QSOX1: variants seen among roughly 807,000 people sequenced by gnomAD.
The protein encoded by QSOX1 is quiescin sulfhydryl oxidase 1.
QSOX1 carries 40 observed loss-of-function variants against 76.1 expected under a neutral mutation model. The observed-to-expected ratio is 0.53, with a 90% CI of 0.41 to 0.68. The LOEUF (loss-of-function observed/expected upper bound fraction) is 0.68, where lower values mean the gene tolerates loss of function less well. Ranked by LOEUF, QSOX1 falls within the 30% of genes least tolerant of loss-of-function variation. QSOX1 has a pLI of 0.00. For missense variants in QSOX1, 931 were observed against 974.3 expected (o/e 0.96, Z 0.59); for synonymous variants, 392 against 413.1 (o/e 0.95, Z 0.62).
In QSOX1 at chr1:180,199,137, C is replaced by G. The variant is rs940487184; in HGVS notation, c.*2100C>G. 1 of 152,370 alleles carries G rather than the reference C, an allele frequency of 6.6e-6. No homozygotes were observed. Among genetic ancestry groups the G allele is most frequent in the Admixed American group, 6.5e-5 (1 of 15,284 alleles). 9.4% of individuals were successfully genotyped at this position (152,370 alleles called of 1,614,324 possible). On this transcript the variant is annotated 3_prime_UTR_variant, in exon 12 of 12. Coordinates refer to ENST00000367602, the MANE Select transcript of QSOX1 (RefSeq NM_002826.5). ...TCTGGCAGCCAAGCCTCTTTTCGCCCGGCCCCAGCCCCTCTGGTTGATAAA... is the reference window on the plus strand; with the variant it reads ...TCTGGCAGCCAAGCCTCTTTTCGCCGGGCCCCAGCCCCTCTGGTTGATAAA...
chr1:180,164,179 C>G (rs1370511574), intron 1 of QSOX1, among the ~76,000 whole-genome samples: 1 of 152,182 alleles, frequency 6.6e-6, no homozygotes, highest in Non-Finnish European at 1.5e-5. Flanking sequence ...TTTGTGCAGG[C>G]TGCCTTGCAG....
chr1:180,189,356 A>G (rs933189919), intron 8 of QSOX1, among the ~76,000 whole-genome samples, 196 bp from the exon 9 acceptor site: 1 of 152,110 alleles, frequency 6.6e-6, no homozygotes, highest in Admixed American at 6.5e-5. Context: ...TCCCAGAGCA[A>G]AGGTAGTACA....
At chr1:180,190,653 C>T (rs536417122) in intron 10 of QSOX1, 73 bp downstream of exon 10, 5 of 1,421,138 alleles carry the variant, frequency 3.5e-6, no homozygotes, top group Middle Eastern at 2.3e-4. Flanking sequence ...GGAGAGGGGG[C>T]AGGGAAGCTC....
chr1:180,165,853 G>T (rs1662602512), intron 1 of QSOX1, among the ~76,000 whole-genome samples: 1 of 151,660 alleles, frequency 6.6e-6, no homozygotes, highest in South Asian at 2.1e-4. Context: ...TGTTTCAGCG[G>T]CCAGCAGCCT....
rs2149244532 is a variant in QSOX1, at chr1:180,197,665, G to T, written c.*628G>T. ...CCAGGTGAGGCAAGCCATGGTTGCT[G>T]GGCTGTAGGGTGAGTGGCTTGCTTG... On this transcript the variant is annotated 3_prime_UTR_variant, in exon 12 of 12. Transcript: ENST00000367602. The T allele has an allele frequency of 7.3e-6, 3 of 411,416 alleles. No homozygotes were observed. In the East Asian group the frequency reaches 1.4e-4, roughly 20 times the overall value. The allele number at this position is 411,416 out of a possible 1,614,324, so 25.5% of individuals were successfully genotyped here.
chr1:180,192,020 C>T (rs1204920413), intron 10 of QSOX1, among the ~76,000 whole-genome samples: 1 of 152,146 alleles, frequency 6.6e-6, no homozygotes, highest in African/African-American at 2.4e-5. Context: ...TGCAAGGACA[C>T]CAGTCCTATT....
At chr1:180,179,045 G>A (rs1267834276) in intron 5 of QSOX1, among the ~76,000 whole-genome samples, 161 bp downstream of exon 5, 1 of 152,236 alleles carries the variant, frequency 6.6e-6, no homozygotes, top group Non-Finnish European at 1.5e-5. Flanking sequence ...AAGTGCAGGA[G>A]CTGGACCTTT....
chr1:180,196,229 TCAC>T lies in QSOX1; in HGVS notation c.1469-27_1469-25del. On this transcript the variant is annotated intron_variant, in intron 11 of 11. Transcript: ENST00000367602. This position sits in a 1 kb window ranked among gnomAD's most constrained non-coding sequence, Gnocchi z 4.1. Reference sequence around the variant, plus strand: ...TCTGGGTTTTTGGGTGGGACTGATGTCACCACCAGCCTGTGTATGCTTCCCTCT... The same window carrying T: ...TCTGGGTTTTTGGGTGGGACTGATGTCACCAGCCTGTGTATGCTTCCCTCT... 1 of 1,577,682 alleles carries T rather than the reference TCAC, an allele frequency of 6.3e-7. No individual in the cohort carries two copies. The highest frequency in any genetic ancestry group is 8.6e-7 in the Non-Finnish European group (1 of 1,157,020).
chr1:180,192,868 T>C (rs567483609), intron 10 of QSOX1, among the ~76,000 whole-genome samples: 10 of 152,228 alleles, frequency 6.6e-5, no homozygotes, highest in Non-Finnish European at 1.3e-4. Flanking sequence ...AGAAGAGTGC[T>C]GAGGACTGAA....
rs1663563850 is a variant in QSOX1, at chr1:180,198,563, G to T, written c.*1526G>T. On this transcript the variant is annotated 3_prime_UTR_variant, in exon 12 of 12. Transcript: ENST00000367602. ...ATGGCCTGGGTGCTATGTGGAGCAG[G>T]TGGGATGCCAAGGCCACTCCTGCTA... is the stretch of plus-strand genomic sequence containing the variant. The T allele has an allele frequency of 2.7e-6, 1 of 367,256 alleles. No individual in the cohort carries two copies. Among genetic ancestry groups the T allele is most frequent in the African/African-American group, 2.1e-5 (1 of 47,362 alleles). 22.7% of individuals were successfully genotyped at this position (367,256 alleles called of 1,614,324 possible). A position where few individuals can be genotyped will look rare whatever the true frequency, so the allele number is the denominator to read the frequency against.
At chr1:180,185,365 C>G (rs17299701) in intron 7 of QSOX1, among the ~76,000 whole-genome samples, 1 of 152,194 alleles carries the variant, frequency 6.6e-6, no homozygotes, top group Non-Finnish European at 1.5e-5. Context: ...GGAAGAGGCA[C>G]CCAACTTTCC....
chr1:180,184,006 C>G lies in QSOX1; in HGVS notation c.843C>G (p.Thr281=). ...CTGCCCAGACCACAGTTGCACCAAC[C>G]ACTGCTAACAAGATAGCTCCCACTG... is the stretch of plus-strand genomic sequence containing the variant. ...REAAQTTVAP[T]TANKIAPTVW... is the part of the protein sequence containing the mutation. The change falls in exon 7 of 12, where the codon ACC becomes ACG. Residue 281 remains threonine, a synonymous_variant. Transcript: ENST00000367602. 6.2e-7 allele frequency: 1 copy of G among 1,614,212 alleles called. No individual in the cohort carries two copies. The highest frequency in any genetic ancestry group is 8.5e-7 in the Non-Finnish European group (1 of 1,180,030).
intron 10 of QSOX1, among the ~76,000 whole-genome samples, chr1:180,191,919 C>T (rs555571549): frequency 2.1e-4 from 32 of 151,918 alleles, no homozygotes; most frequent in Non-Finnish European, 3.5e-4. Flanking sequence ...CTGGTTTCTT[C>T]GAGCCTCTCC....
chr1:180,173,320 T>C (rs1662804814), intron 2 of QSOX1, among the ~76,000 whole-genome samples: 1 of 151,012 alleles, frequency 6.6e-6, no homozygotes, highest in African/African-American at 2.5e-5. Flanking sequence ...ATTTTGTTCA[T>C]GAAAAAGTGT....
intron 1 of QSOX1, among the ~76,000 whole-genome samples, chr1:180,156,662 C>T (rs2149227782): frequency 6.6e-6 from 1 of 152,294 alleles, no homozygotes; most frequent in Non-Finnish European, 1.5e-5. Context: ...TTACACTTGC[C>T]TACATGCCTC....
chr1:180,194,481 A>AG (rs1275124777), intron 11 of QSOX1, 89 bp downstream of exon 11: 15 of 1,316,110 alleles, frequency 1.1e-5, no homozygotes, highest in Non-Finnish European at 1.6e-5. Context: ...AATTTGGGGA[A>AG]GGGACACTCA....
At chr1:180,179,815 T>C (rs1662986117) in intron 5 of QSOX1, among the ~76,000 whole-genome samples, 1 of 152,206 alleles carries the variant, frequency 6.6e-6, no homozygotes, top group Non-Finnish European at 1.5e-5. Context: ...TCTCCAGGCC[T>C]CTCAGCCCTG....
At chr1:180,193,185 T>A (rs1225451980) in intron 10 of QSOX1, among the ~76,000 whole-genome samples, 1 of 151,932 alleles carries the variant, frequency 6.6e-6, no homozygotes, top group African/African-American at 2.4e-5. Flanking sequence ...GTTGGAATGA[T>A]CCCTTATCAG....
chr1:180,157,276 G>A (rs958725317), intron 1 of QSOX1, among the ~76,000 whole-genome samples: 1 of 152,208 alleles, frequency 6.6e-6, no homozygotes, highest in Non-Finnish European at 1.5e-5. Context: ...AGATCGTGTT[G>A]GGAGGGCACT....
Sources: gnomAD v4.1 joint callset for allele counts (sites outside exome capture counted in the v4.1 genomes callset) on GRCh38, gnomAD v4.1.1 for gene constraint, Gnocchi (gnomAD v3.1) non-coding constraint, MANE v1.5 for transcripts, NCBI Gene and HGNC (gene_info 2026-07-23, HGNC 2026-07-21) for gene names.